Variants in NR4A1 observed in about 807,000 individuals in gnomAD.
NR4A1 encodes the protein nuclear receptor subfamily 4immunitygroup A member 1.
NR4A1 carries 24 observed loss-of-function variants against 47.5 expected under a neutral mutation model. The ratio of observed to expected loss-of-function variants is 0.50; its 90% CI spans 0.37 to 0.71. NR4A1 has a LOEUF of 0.71. NR4A1 is among the 30% of genes least tolerant of loss of function. The pLI is 0.00. For missense variants in NR4A1, 669 were observed against 788.6 expected (o/e 0.85, Z 1.82); for synonymous variants, 353 against 345.7 (o/e 1.02, Z -0.24).
At chr12:52,052,268 C>CGTGT (rs60552358) in intron 1 of NR4A1, among the ~76,000 whole-genome samples, 4,364 of 129,796 alleles carry the variant, frequency 0.034, 196 homozygotes, top group African/African-American at 0.1. Flanking sequence ...GCTTGGATCA[C>CGTGT]GTGTGTGTGT....
chr12:52,045,059 C>G (rs1436861070), intron 2 of NR4A1, among the ~76,000 whole-genome samples: 1 of 152,212 alleles, frequency 6.6e-6, no homozygotes, highest in Non-Finnish European at 1.5e-5. Flanking sequence ...AACTAGCTCT[C>G]TCCAGAGTAT....
chr12:52,037,977 C>G (rs1938302191), intron 1 of NR4A1: 1 of 979,290 alleles, frequency 1.0e-6, no homozygotes, highest in Non-Finnish European at 1.2e-6. Context: ...CGGGGGTGGT[C>G]TGTATTTCCA....
At chr12:52,041,863 T>C in exon 2 of NR4A1, 8 of 1,527,492 alleles carry the variant, frequency 5.2e-6, no homozygotes, top group Non-Finnish European at 7.0e-6. Context: ...GCCTGGCTCC[T>C]TCTGCTGGGC....
chr12:52,034,370 GCTTT>G (rs1375911597), intron 1 of NR4A1, among the ~76,000 whole-genome samples: 2 of 152,250 alleles, frequency 1.3e-5, no homozygotes, highest in Admixed American at 6.5e-5. Flanking sequence ...CTAGGAGCCA[GCTTT>G]CTGTGTAGGA....
rs188623500 is a variant in NR4A1, at chr12:52,055,363, C to G, written c.876+159C>G. ...CAGGTGGGCCGCCTTCCTGGAGACC[C>G]GTAGATGCCAGGGCTGGAAGCTTTC... On this transcript the variant is annotated intron_variant, in intron 2 of 6. Transcript: ENST00000394825. 2.7e-5 allele frequency: 23 copies of G among 859,652 alleles called. No individual in the cohort carries two copies. The Admixed American group carries it at 3.8e-4, about 14-fold the overall frequency. The allele number at this position is 859,652 out of a possible 1,614,324, so 53.3% of individuals were successfully genotyped here.
chr12:52,055,237 G>A, intron 2 of NR4A1, 33 bp downstream of exon 2: 1 of 1,605,858 alleles, frequency 6.2e-7, no homozygotes, highest in South Asian at 1.1e-5. Context: ...GCCTTTTGTT[G>A]GAAATGGAGA....
intron 2 of NR4A1, chr12:52,043,987 A>G: frequency 8.0e-7 from 1 of 1,246,646 alleles, no homozygotes; most frequent in Non-Finnish European, 1.1e-6. Flanking sequence ...CTGTCATGCC[A>G]AACCCTTTGG....
chr12:52,044,015 G>A (rs1412848131), intron 2 of NR4A1: 2 of 1,032,620 alleles, frequency 1.9e-6, no homozygotes, highest in Non-Finnish European at 2.6e-6. Context: ...CTGCGGGGAG[G>A]AAGCAAGGGT....
At chr12:52,035,185 T>C (rs1267014057) in intron 1 of NR4A1, among the ~76,000 whole-genome samples, 1 of 152,200 alleles carries the variant, frequency 6.6e-6, no homozygotes, top group African/African-American at 2.4e-5. Flanking sequence ...ATCCCAGACC[T>C]CTAGAGACTG....
At chr12:52,040,212 A>T (rs959612903) in intron 1 of NR4A1, among the ~76,000 whole-genome samples, 1 of 151,866 alleles carries the variant, frequency 6.6e-6, no homozygotes, top group Non-Finnish European at 1.5e-5. Flanking sequence ...TTGTGATGTG[A>T]CTATTGAGGG....
chr12:52,024,537 A>G (rs996497916), intron 1 of NR4A1, among the ~76,000 whole-genome samples: 2 of 152,004 alleles, frequency 1.3e-5, no homozygotes, highest in Non-Finnish European at 2.9e-5. Context: ...TCTACAAAAA[A>G]TTTTTAAAAA....
chr12:52,041,728 C>T, intron 1 of NR4A1: 2 of 1,240,416 alleles, frequency 1.6e-6, no homozygotes, highest in Non-Finnish European at 2.0e-6. Flanking sequence ...GCTCCCATTC[C>T]TGCGTGTCCT....
chr12:52,023,805 C>G (rs1004634844), intron 1 of NR4A1, among the ~76,000 whole-genome samples: 1 of 152,206 alleles, frequency 6.6e-6, no homozygotes, highest in African/African-American at 2.4e-5. Context: ...TGTGGCTCCC[C>G]GCTGCAAAGG....
At chr12:52,056,688 A>G in intron 4 of NR4A1, 43 bp downstream of exon 4, 3 of 1,523,668 alleles carry the variant, frequency 2.0e-6, no homozygotes, top group South Asian at 2.6e-5. Flanking sequence ...GTCTATGAGC[A>G]CATGCAGTGC....
intron 4 of NR4A1, 106 bp from the exon 5 acceptor site, chr12:52,056,951 C>T: frequency 9.2e-7 from 1 of 1,091,042 alleles, no homozygotes; most frequent in Non-Finnish European, 1.3e-6. Context: ...ATCTCAGATC[C>T]ACTCCCACTC....
chr12:52,052,754 A>G (rs866276056), intron 1 of NR4A1: 4 of 760,592 alleles, frequency 5.3e-6, no homozygotes, highest in East Asian at 1.3e-4. Flanking sequence ...TGAATAAGGC[A>G]GGAACAAGCG....
rs1452656463 is a variant in NR4A1, at chr12:52,038,111, C to T, written c.-83-3699C>T. 5.2e-6 allele frequency: 5 copies of T among 963,514 alleles called. No individual in the cohort carries two copies. In the Admixed American group the frequency reaches 1.9e-4, roughly 37 times the overall value. 59.7% of individuals were successfully genotyped at this position (963,514 alleles called of 1,614,324 possible). ...ATGGAGTCTCGCTCTGTTGCCCAGG[C>T]TGGAGTGCAGTAGCGTGATCTCGGC... On this transcript the variant is annotated intron_variant, in intron 1 of 7. Coordinates refer to the NR4A1 transcript ENST00000360284.
chr12:52,042,438 T>TA (rs533730747), intron 2 of NR4A1, among the ~76,000 whole-genome samples: 121 of 152,156 alleles, frequency 8.0e-4, no homozygotes, highest in African/African-American at 2.8e-3. Flanking sequence ...CCAGAGGGCC[T>TA]ATGGAGTCTG....
chr12:52,047,359 T>A (rs1348258913), upstream of NR4A1, among the ~76,000 whole-genome samples: 1 of 152,202 alleles, frequency 6.6e-6, no homozygotes, highest in Non-Finnish European at 1.5e-5. Context: ...CCCAGGCCAT[T>A]CTCCCTTGAG....
Sources: gnomAD v4.1 joint callset for allele counts (sites outside exome capture counted in the v4.1 genomes callset) on GRCh38, gnomAD v4.1.1 for gene constraint, MANE v1.5 for transcripts, NCBI Gene and HGNC (gene_info 2026-07-23, HGNC 2026-07-21) for gene names.